MCPH1: variants seen among roughly 807,000 people sequenced by gnomAD.
MCPH1 encodes the protein microcephalin 1, also known as microcephalin.
In MCPH1, 104 loss-of-function variants were observed where a neutral mutation model predicts 84.5. That is an observed-to-expected ratio of 1.23 (90% CI 1.05 to 1.45). The LOEUF is 1.45. Among genes scored for constraint, MCPH1 ranks in the 40% most tolerant of loss-of-function variants. The pLI, the probability that MCPH1 is intolerant of heterozygous loss-of-function variation, is 0.00. For missense variants in MCPH1, 1,498 were observed against 1,005.7 expected (o/e 1.49, Z -6.62); for synonymous variants, 514 against 366.8 (o/e 1.40, Z -4.58).
intron 12 of MCPH1, among the ~76,000 whole-genome samples, chr8:6,560,573 A>G (rs1380210275): frequency 2.0e-5 from 3 of 152,190 alleles, no homozygotes; most frequent in Admixed American, 2.0e-4. Flanking sequence ...ATAGGCTGGG[A>G]GAACAGGTGT....
intron 13 of MCPH1, among the ~76,000 whole-genome samples, chr8:6,640,998 C>G (rs539002396): frequency 6.6e-6 from 1 of 152,226 alleles, no homozygotes; most frequent in South Asian, 2.1e-4. Context: ...CTGTGCTGAC[C>G]TCTATTTTAC....
At chr8:6,523,261 T>G (rs1418553875) in intron 12 of MCPH1, among the ~76,000 whole-genome samples, 1 of 152,092 alleles carries the variant, frequency 6.6e-6, no homozygotes, top group Non-Finnish European at 1.5e-5. Flanking sequence ...CCTCCCAAAG[T>G]GCTGGGATTA....
chr8:6,472,183 C>G (rs1395042353), intron 9 of MCPH1, among the ~76,000 whole-genome samples: 2 of 152,086 alleles, frequency 1.3e-5, no homozygotes, highest in East Asian at 3.9e-4. Context: ...AGTCCCAAGA[C>G]ATAATATACA....
intron 12 of MCPH1, among the ~76,000 whole-genome samples, chr8:6,517,102 T>C (rs1816405720): frequency 6.6e-6 from 1 of 152,236 alleles, no homozygotes; most frequent in African/African-American, 2.4e-5. Context: ...TAGAGTTATC[T>C]ACCCAGCCAG....
chr8:6,546,889 G>C (rs1822679899), intron 12 of MCPH1, among the ~76,000 whole-genome samples: 1 of 152,138 alleles, frequency 6.6e-6, no homozygotes, highest in Non-Finnish European at 1.5e-5. Context: ...CCTTCATTAA[G>C]ATGTACCCTT....
chr8:6,611,497 T>A (rs1040339261), intron 12 of MCPH1, among the ~76,000 whole-genome samples: 1 of 152,226 alleles, frequency 6.6e-6, no homozygotes, highest in South Asian at 2.1e-4. Flanking sequence ...AGAGAAGAGA[T>A]GCACAGGGCC....
intron 6 of MCPH1, among the ~76,000 whole-genome samples, chr8:6,440,836 A>G (rs946003455): frequency 6.6e-6 from 1 of 152,222 alleles, no homozygotes; most frequent in African/African-American, 2.4e-5. Context: ...GCTGCATATA[A>G]CAAAGACAAA....
intron 2 of MCPH1, among the ~76,000 whole-genome samples, chr8:6,411,829 C>T (rs1021274263): frequency 1.3e-5 from 2 of 151,992 alleles, no homozygotes; most frequent in Non-Finnish European, 2.9e-5. Flanking sequence ...GGGTTGGGGG[C>T]GGGACGCGGG....
At chr8:6,433,580 C>T (rs1802162567) in intron 4 of MCPH1, among the ~76,000 whole-genome samples, 1 of 146,202 alleles carries the variant, frequency 6.8e-6, no homozygotes. Flanking sequence ...TTGCAGTGAG[C>T]CCAGATCATG....
At chr8:6,625,634 G>A (rs753552288) in intron 13 of MCPH1, 464 of 985,292 alleles carry the variant, frequency 4.7e-4, no homozygotes, top group Non-Finnish European at 5.3e-4. Context: ...GTCCCTGAGC[G>A]TCTTAGAGTA....
chr8:6,466,127 G>T (rs1285699888), intron 9 of MCPH1, among the ~76,000 whole-genome samples: 1 of 125,182 alleles, frequency 8.0e-6, no homozygotes, highest in Non-Finnish European at 1.6e-5. Context: ...GCTAATTTTT[G>T]GATTTTTTTT....
chr8:6,505,162 C>T (rs1306908151), intron 12 of MCPH1, among the ~76,000 whole-genome samples: 1 of 102,636 alleles, frequency 9.7e-6, no homozygotes, highest in East Asian at 6.5e-4. Flanking sequence ...TTAATAAAAA[C>T]TCTATGCCAA....
intron 9 of MCPH1, among the ~76,000 whole-genome samples, chr8:6,459,854 T>C (rs1460074389): frequency 2.0e-5 from 3 of 152,158 alleles, no homozygotes; most frequent in Non-Finnish European, 4.4e-5. Flanking sequence ...AGGTGCCAGG[T>C]AGAAGGTACA....
chr8:6,615,039 C>T (rs547111309), intron 12 of MCPH1, among the ~76,000 whole-genome samples: 1 of 152,362 alleles, frequency 6.6e-6, no homozygotes, highest in South Asian at 2.1e-4. Flanking sequence ...CACGCTCACA[C>T]TGCGTAAGCA....
At chr8:6,431,362 G>T in intron 3 of MCPH1, 137 bp from the exon 4 acceptor site, 1 of 670,164 alleles carries the variant, frequency 1.5e-6, no homozygotes, top group Non-Finnish European at 2.6e-6. Context: ...ATTTGCAGTT[G>T]TATTTATTTT....
chr8:6,415,733 C>G (rs1451667210), intron 3 of MCPH1, among the ~76,000 whole-genome samples: 2 of 152,084 alleles, frequency 1.3e-5, no homozygotes, highest in Admixed American at 6.5e-5. Flanking sequence ...TTTTCATTTT[C>G]AAGATTGTTT....
intron 6 of MCPH1, among the ~76,000 whole-genome samples, chr8:6,441,810 G>C (rs977788958): frequency 6.6e-6 from 1 of 152,224 alleles, no homozygotes; most frequent in East Asian, 1.9e-4. Context: ...TCTAGTTTTA[G>C]AGGTAACTAT....
intron 13 of MCPH1, among the ~76,000 whole-genome samples, chr8:6,632,679 C>G (rs2433143): frequency 7.7e-4 from 117 of 151,950 alleles, no homozygotes; most frequent in Non-Finnish European, 1.2e-3. Flanking sequence ...CGTGGTGGCA[C>G]GTGCCTGTAG....
intron 2 of MCPH1, among the ~76,000 whole-genome samples, chr8:6,414,177 T>C (rs1261461884): frequency 2.0e-5 from 3 of 152,210 alleles, no homozygotes; most frequent in Non-Finnish European, 4.4e-5. Context: ...CCGGATAATT[T>C]TTGTATTTTT....
Sources: gnomAD v4.1 joint callset for allele counts (sites outside exome capture counted in the v4.1 genomes callset) on GRCh38, gnomAD v4.1.1 for gene constraint, MANE v1.5 for transcripts, NCBI Gene and HGNC (gene_info 2026-07-23, HGNC 2026-07-21) for gene names.